The following CTNND2 variants were observed in gnomAD, a reference collection of about 807,000 sequenced individuals.
The protein encoded by CTNND2 is catenin delta 2, also known as catenin delta-2.
A neutral mutation model predicts 144.4 loss-of-function variants in CTNND2; 22 were observed. The ratio of observed to expected loss-of-function variants is 0.15; its 90% CI spans 0.11 to 0.22. CTNND2 has a LOEUF of 0.22. Among genes scored for constraint, CTNND2 ranks in the 10% least tolerant of loss-of-function variants. The pLI, the probability that CTNND2 is intolerant of heterozygous loss-of-function variation, is 1.00. For synonymous variants in CTNND2, 751 were observed against 695.6 expected, an observed-to-expected ratio of 1.08 and a Z score of -1.25; for missense variants, 1,353 against 1,618.8, an observed-to-expected ratio of 0.84 and a Z score of 2.82.
At chr5:11,729,984 C>CT (rs1787247398) in intron 2 of CTNND2, among the ~76,000 whole-genome samples, 1 of 152,132 alleles carries the variant, frequency 6.6e-6, no homozygotes, top group African/African-American at 2.4e-5. Flanking sequence ...CATCTTTCTT[C>CT]TGTTTATATC....
chr5:11,024,764 T>A (rs537877461), intron 16 of CTNND2, among the ~76,000 whole-genome samples: 26 of 152,330 alleles, frequency 1.7e-4, no homozygotes, highest in African/African-American at 6.0e-4. Context: ...GTTGGTATTA[T>A]CATTTTGAAA....
chr5:11,054,716 G>C (rs1203951519), intron 16 of CTNND2, among the ~76,000 whole-genome samples: 1 of 151,962 alleles, frequency 6.6e-6, no homozygotes, highest in East Asian at 1.9e-4. Flanking sequence ...ATAGAGTCAG[G>C]GTGATTTAAC....
At chr5:11,012,170 T>C (rs1363866312) in intron 18 of CTNND2, among the ~76,000 whole-genome samples, 1 of 152,170 alleles carries the variant, frequency 6.6e-6, no homozygotes, top group African/African-American at 2.4e-5. Context: ...GCTGTTCCAT[T>C]TGAGACATCA....
At chr5:11,375,728 C>T (rs184088036) in intron 7 of CTNND2, among the ~76,000 whole-genome samples, 199 of 152,274 alleles carry the variant, frequency 1.3e-3, no homozygotes, top group Middle Eastern at 3.4e-3. Context: ...TACTGTTAAA[C>T]AACCAACTGG....
intron 7 of CTNND2, among the ~76,000 whole-genome samples, chr5:11,367,487 T>C (rs1757092502): frequency 6.6e-6 from 1 of 152,234 alleles, no homozygotes; most frequent in African/African-American, 2.4e-5. Flanking sequence ...GTGTATATAT[T>C]TGCTGATTCA....
At chr5:10,974,758 A>G (rs35036082) in intron 21 of CTNND2, among the ~76,000 whole-genome samples, 2,539 of 152,352 alleles carry the variant, frequency 0.017, 44 homozygotes, top group Non-Finnish European at 0.02. Flanking sequence ...ATTTAACTAA[A>G]GTTCAGCACG....
chr5:11,699,910 T>A (rs529926013), intron 2 of CTNND2, among the ~76,000 whole-genome samples: 1 of 152,336 alleles, frequency 6.6e-6, no homozygotes, highest in South Asian at 2.1e-4. Context: ...CCTCTTTGGT[T>A]CAGCTTCATT....
At chr5:11,535,866 G>A (rs1378668869) in intron 3 of CTNND2, among the ~76,000 whole-genome samples, 3 of 152,128 alleles carry the variant, frequency 2.0e-5, no homozygotes, top group Non-Finnish European at 2.9e-5. Context: ...AAAGTGTCTT[G>A]AATGCTTGAC....
intron 3 of CTNND2, among the ~76,000 whole-genome samples, chr5:11,443,333 T>G (rs1581207903): frequency 7.6e-5 from 6 of 79,216 alleles, no homozygotes; most frequent in African/African-American, 2.3e-4. Flanking sequence ...GTGTGTGTGG[T>G]GTGTGTGGGG....
intron 1 of CTNND2, among the ~76,000 whole-genome samples, chr5:11,792,988 C>T (rs1357713247): frequency 6.6e-6 from 1 of 152,138 alleles, no homozygotes; most frequent in African/African-American, 2.4e-5. Flanking sequence ...GATTTCCCAG[C>T]GATGCATTTT....
chr5:11,325,259 G>A (rs1207375989), intron 9 of CTNND2, among the ~76,000 whole-genome samples: 1 of 151,874 alleles, frequency 6.6e-6, no homozygotes, highest in East Asian at 1.9e-4. Context: ...AAAAGACAGT[G>A]CCTTGATATT....
chr5:11,169,620 G>A (rs1021640892), intron 11 of CTNND2, among the ~76,000 whole-genome samples: 1 of 152,220 alleles, frequency 6.6e-6, no homozygotes, highest in Non-Finnish European at 1.5e-5. Flanking sequence ...GGTCTCGAGT[G>A]AGCATGCATA....
intron 9 of CTNND2, among the ~76,000 whole-genome samples, chr5:11,266,974 G>T (rs1207791713): frequency 6.6e-6 from 1 of 152,198 alleles, no homozygotes. Flanking sequence ...CATCTCCAGG[G>T]TTCAAGCAAT....
At chr5:11,493,945 T>C (rs1248936172) in intron 3 of CTNND2, among the ~76,000 whole-genome samples, 4 of 149,578 alleles carry the variant, frequency 2.7e-5, no homozygotes, top group Non-Finnish European at 6.0e-5. Context: ...TTTAGAATTA[T>C]GAATTAATAC....
intron 3 of CTNND2, among the ~76,000 whole-genome samples, chr5:11,449,805 C>G (rs781218869): frequency 2.6e-5 from 4 of 152,262 alleles, no homozygotes; most frequent in African/African-American, 7.2e-5. Context: ...AAGATAGTTT[C>G]TATCTCGTTG....
At chr5:11,709,957 G>C (rs1785929613) in intron 2 of CTNND2, among the ~76,000 whole-genome samples, 1 of 152,004 alleles carries the variant, frequency 6.6e-6, no homozygotes, top group Non-Finnish European at 1.5e-5. Flanking sequence ...AATGCCTTTG[G>C]TGTTCCACTT....
intron 1 of CTNND2, among the ~76,000 whole-genome samples, chr5:11,867,181 G>A (rs143353319): frequency 5.3e-5 from 8 of 152,282 alleles, no homozygotes; most frequent in East Asian, 1.9e-4. Context: ...TCAACAAGCC[G>A]AGTTATTCCA....
chr5:11,820,956 A>C (rs1793276885), intron 1 of CTNND2, among the ~76,000 whole-genome samples: 1 of 152,216 alleles, frequency 6.6e-6, no homozygotes, highest in African/African-American at 2.4e-5. Flanking sequence ...GACAATTCAC[A>C]AACTAGACAC....
At chr5:11,080,551 T>A (rs1283423529) in intron 16 of CTNND2, among the ~76,000 whole-genome samples, 5 of 152,150 alleles carry the variant, frequency 3.3e-5, no homozygotes. Context: ...TTATTCACAA[T>A]AGTTAATGTA....
Sources: allele counts gnomAD v4.1 joint callset (sites outside exome capture counted in the v4.1 genomes callset), GRCh38; gene constraint gnomAD v4.1.1; transcripts MANE v1.5; gene names NCBI Gene and HGNC (gene_info 2026-07-23, HGNC 2026-07-21).